FBXO9: variants seen among roughly 807,000 people sequenced by gnomAD.
FBXO9 encodes F-box only protein 9.
Under a neutral mutation model 63.7 loss-of-function variants are expected in FBXO9, and 43 were observed. That is an observed-to-expected ratio of 0.67 (90% CI 0.53 to 0.87). The LOEUF (loss-of-function observed/expected upper bound fraction) is 0.87, where lower values mean the gene tolerates loss of function less well. Ranked by LOEUF, FBXO9 falls within the 40% of genes least tolerant of loss-of-function variation. FBXO9 has a pLI of 0.00. For synonymous variants in FBXO9, 156 were observed against 171.7 expected (o/e 0.91, Z 0.72); for missense variants, 442 against 533.2 (o/e 0.83, Z 1.68).
chr6:53,070,938 G>T, intron 1 of FBXO9, 119 bp from the exon 2 acceptor site: 1 of 1,477,334 alleles, frequency 6.8e-7, no homozygotes, highest in South Asian at 1.3e-5. Context: ...CTCAAAGTGG[G>T]TTCCACAAAG....
intron 1 of FBXO9, chr6:53,066,097 A>C: frequency 8.4e-7 from 1 of 1,186,168 alleles, no homozygotes. Flanking sequence ...AGTATATTGA[A>C]CCAGTCTCGG....
At position 53,071,028 on chromosome 6, in the gene FBXO9, C is replaced by T. The variant is rs753300894; in HGVS notation, c.4-29C>T. On this transcript the variant is annotated intron_variant, in intron 1 of 12. Transcript: ENST00000323557. ...GAGGGCAACTGGTGTGTTTATATGC[C>T]TGACATTATTTGGGTTTTCCCCCCT... The T allele has an allele frequency of 2.6e-5, 41 of 1,557,824 alleles. 1 individual carries two copies. The South Asian group carries it at 4.9e-4, about 18-fold the overall frequency.
intron 7 of FBXO9, among the ~76,000 whole-genome samples, chr6:53,090,565 C>T (rs1300859308): frequency 2.6e-5 from 4 of 151,882 alleles, no homozygotes; most frequent in African/African-American, 9.7e-5. Context: ...CTTCATGTGT[C>T]ATCATAAAAG....
chr6:53,065,862 T>G (rs992150490), intron 1 of FBXO9, 70 bp downstream of exon 1: 3 of 1,263,202 alleles, frequency 2.4e-6, no homozygotes, highest in South Asian at 2.7e-5. Flanking sequence ...GGGCCGGGCC[T>G]AGGGCTGGGG....
At chr6:53,094,527 C>T (rs1319569502) in intron 11 of FBXO9, among the ~76,000 whole-genome samples, 2 of 152,188 alleles carry the variant, frequency 1.3e-5, no homozygotes, top group African/African-American at 2.4e-5. Flanking sequence ...TCTCCATATG[C>T]ACGTTTTCAA....
At chr6:53,092,665 C>A (rs569173623) in intron 8 of FBXO9, 69 bp from the exon 9 acceptor site, 8 of 1,422,854 alleles carry the variant, frequency 5.6e-6, no homozygotes, top group East Asian at 2.3e-5. Context: ...TTAAAGGAAA[C>A]CACAGTAAAT....
Position 53,098,357 on chromosome 6 carries a change from T to C in FBXO9, c.*527T>C, listed in dbSNP as rs1465687428. On this transcript the variant is annotated 3_prime_UTR_variant, in exon 13 of 13. Coordinates refer to ENST00000323557, the MANE Select transcript of FBXO9 (RefSeq NM_033480.3). ...TTCACCAATAAAGATCATAAATAAATGTTTCTTTCAAGAAAATATATTTGG... is the reference window on the plus strand; with the variant it reads ...TTCACCAATAAAGATCATAAATAAACGTTTCTTTCAAGAAAATATATTTGG... 1.2e-5 allele frequency: 2 copies of C among 160,444 alleles called. No individual in the cohort carries two copies. Among genetic ancestry groups the C allele is most frequent in the African/African-American group, 4.8e-5 (2 of 41,562 alleles). The allele number at this position is 160,444 out of a possible 1,614,324, so 9.9% of individuals were successfully genotyped here.
chr6:53,066,660 C>T (rs1429616226), intron 1 of FBXO9, among the ~76,000 whole-genome samples: 1 of 152,158 alleles, frequency 6.6e-6, no homozygotes, highest in Admixed American at 6.5e-5. Context: ...GCCCCTGCCC[C>T]TAAACTTTCA....
At chr6:53,070,017 CTTTT>C (rs1032693222) in intron 1 of FBXO9, among the ~76,000 whole-genome samples, 1 of 109,374 alleles carries the variant, frequency 9.1e-6, no homozygotes, top group African/African-American at 3.4e-5. Context: ...TTCTTTTTTC[CTTTT>C]TTTTTTTTTT....
intron 5 of FBXO9, among the ~76,000 whole-genome samples, chr6:53,079,792 T>G (rs528641075): frequency 6.6e-6 from 1 of 152,158 alleles, no homozygotes; most frequent in African/African-American, 2.4e-5. Flanking sequence ...TGATAACATA[T>G]GCTTATTGCC....
chr6:53,071,029 T>A, intron 1 of FBXO9, 28 bp from the exon 2 acceptor site: 1 of 1,558,448 alleles, frequency 6.4e-7, no homozygotes, highest in Non-Finnish European at 8.7e-7. Flanking sequence ...TTTATATGCC[T>A]GACATTATTT....
chr6:53,079,195 C>T (rs1034570268), intron 5 of FBXO9, among the ~76,000 whole-genome samples: 2 of 152,130 alleles, frequency 1.3e-5, no homozygotes, highest in African/African-American at 4.8e-5. Context: ...CACATTTCAA[C>T]TTTCTGAAAC....
At chr6:53,069,579 C>G (rs568710974) in intron 1 of FBXO9, among the ~76,000 whole-genome samples, 1 of 151,488 alleles carries the variant, frequency 6.6e-6, no homozygotes, top group South Asian at 2.1e-4. Flanking sequence ...GATCCTGCCA[C>G]AATTTATAGG....
At chr6:53,087,171 G>A (rs899250654) in intron 7 of FBXO9, among the ~76,000 whole-genome samples, 11 of 151,804 alleles carry the variant, frequency 7.2e-5, no homozygotes, top group Non-Finnish European at 1.2e-4. Context: ...ACGAAACCCC[G>A]TCTCTATGAT....
chr6:53,091,772 G>C (rs1471165739), intron 7 of FBXO9: 1 of 152,452 alleles, frequency 6.6e-6, no homozygotes, highest in African/African-American at 2.4e-5. Flanking sequence ...CTCAGCCACT[G>C]TTCTGTTTGG....
At chr6:53,083,138 A>G (rs1259833453) in intron 7 of FBXO9, among the ~76,000 whole-genome samples, 1 of 152,262 alleles carries the variant, frequency 6.6e-6, no homozygotes, top group Admixed American at 6.5e-5. Context: ...ACAAAAATCA[A>G]ATCAAGATGG....
Position 53,070,017 on chromosome 6 carries a change from CTTTTTTT to C in FBXO9, c.4-1023_4-1017del, listed in dbSNP as rs1032693222. ...AATAATATTTTTCTTTTCTTTTTTC[CTTTTTTT>C]TTTTTTTTTTTTTTTTATGATGGGG... is the stretch of plus-strand genomic sequence containing the variant. On this transcript the variant is annotated intron_variant, in intron 1 of 12. Transcript: ENST00000323557. Among the ~76,000 whole-genome samples the C allele has an allele frequency of 1.3e-3, 144 of 109,354 alleles. 1 individual carries two copies. The highest frequency in any genetic ancestry group is 2.0e-3 in the African/African-American group (57 of 29,142). The allele number at this position is 109,354 out of a possible 152,430, so 71.7% of individuals were successfully genotyped here. A position where few individuals can be genotyped will look rare whatever the true frequency, so the allele number is the denominator to read the frequency against.
chr6:53,095,375 C>T (rs1351615004), intron 11 of FBXO9, 138 bp from the exon 12 acceptor site: 2 of 692,322 alleles, frequency 2.9e-6, no homozygotes, highest in Non-Finnish European at 4.5e-6. Context: ...AGCACTCATA[C>T]ATTCTTGTGA....
At chr6:53,097,154 C>T (rs557582909) in intron 12 of FBXO9, among the ~76,000 whole-genome samples, 2 of 152,112 alleles carry the variant, frequency 1.3e-5, no homozygotes, top group South Asian at 4.2e-4. Context: ...TTTCCCTCCC[C>T]CCTGCCTATA....
Sources: allele counts gnomAD v4.1 joint callset (sites outside exome capture counted in the v4.1 genomes callset), GRCh38; gene constraint gnomAD v4.1.1; transcripts MANE v1.5; gene names NCBI Gene and HGNC (gene_info 2026-07-23, HGNC 2026-07-21).